Variants in WWP2 observed in about 807,000 individuals in gnomAD.
WWP2 encodes WW domain containing E3 ubiquitin protein ligase 2.
WWP2 carries 57 observed loss-of-function variants against 121.0 expected under a neutral mutation model. That is an observed-to-expected ratio of 0.47 (90% CI 0.38 to 0.59). WWP2 has a LOEUF of 0.59. Among genes scored for constraint, WWP2 ranks in the 20% least tolerant of loss-of-function variants. The pLI is 0.00. For missense variants in WWP2, 962 were observed against 1,158.9 expected (o/e 0.83, Z 2.47); for synonymous variants, 449 against 441.3 (o/e 1.02, Z -0.22).
intron 4 of WWP2, among the ~76,000 whole-genome samples, chr16:69,828,264 G>A (rs1378200220): frequency 6.6e-6 from 1 of 152,068 alleles, no homozygotes; most frequent in African/African-American, 2.4e-5. Flanking sequence ...CATGCTTAGA[G>A]GCTCCCCTTT....
At chr16:69,794,693 A>C (rs536025848) in intron 2 of WWP2, among the ~76,000 whole-genome samples, 1 of 152,350 alleles carries the variant, frequency 6.6e-6, no homozygotes, top group Admixed American at 6.5e-5. Flanking sequence ...AAAAATGTAG[A>C]ATTTGCTGCA....
chr16:69,866,255 A>T (rs1339361747), intron 6 of WWP2, among the ~76,000 whole-genome samples: 2 of 151,412 alleles, frequency 1.3e-5, no homozygotes, highest in East Asian at 3.9e-4. Context: ...ATGCTTTTTA[A>T]AAAAAGGTTT....
chr16:69,931,350 A>T, intron 14 of WWP2, 123 bp downstream of exon 14: 1 of 1,469,754 alleles, frequency 6.8e-7, no homozygotes, highest in Non-Finnish European at 9.4e-7. Flanking sequence ...ACACTTGTCT[A>T]ACCCGGAGCT....
In WWP2 at chr16:69,813,761, G is replaced by A. The variant is rs778104261; in HGVS notation, c.340+14466G>A. 5.9e-5 allele frequency among the ~76,000 whole-genome samples: 9 copies of A among 152,190 alleles called. No homozygotes were observed. The East Asian group carries it at 1.7e-3, about 29-fold the overall frequency. ...TGTGGGATTACAGCTGTGAGCCACT[G>A]TGCCTGGCCTCTGGTGTTGATTTCA... On this transcript the variant is annotated intron_variant, in intron 4 of 23. Transcript: ENST00000359154.
chr16:69,882,241 C>T (rs1438642571), intron 7 of WWP2, among the ~76,000 whole-genome samples: 9 of 152,216 alleles, frequency 5.9e-5, no homozygotes, highest in African/African-American at 2.2e-4. Flanking sequence ...TAGGTGTGAA[C>T]CACTGCGCCC....
intron 8 of WWP2, among the ~76,000 whole-genome samples, chr16:69,902,660 A>T (rs2058223202): frequency 1.3e-5 from 2 of 152,184 alleles, no homozygotes; most frequent in Non-Finnish European, 2.9e-5. Flanking sequence ...TTTTAATCTC[A>T]GTGTGAAGGA....
At chr16:69,885,983 G>A (rs1051085098) in intron 7 of WWP2, among the ~76,000 whole-genome samples, 3 of 152,158 alleles carry the variant, frequency 2.0e-5, no homozygotes, top group Non-Finnish European at 4.4e-5. Context: ...TCTCGAAGAG[G>A]GCAGCCAGAT....
chr16:69,923,735 G>A (rs2058598124), intron 10 of WWP2, among the ~76,000 whole-genome samples: 1 of 152,172 alleles, frequency 6.6e-6, no homozygotes, highest in African/African-American at 2.4e-5. Flanking sequence ...CTTTTGCAAG[G>A]TCACTGCTGT....
Position 69,924,887 on chromosome 16 carries a change from G to A in WWP2, c.1180-543G>A, listed in dbSNP as rs1450913459. On this transcript the variant is annotated intron_variant, in intron 10 of 23. Transcript: ENST00000359154. The stretch of plus-strand genomic sequence containing the variant: ...CACACCCAGATGGGAGGTTGGGGGG[G>A]ACGCCGAGGTGGAGGGAGGAGGGCC... 1.2e-5 allele frequency: 12 copies of A among 981,604 alleles called. No homozygotes were observed. In the Admixed American group the frequency reaches 6.7e-4, roughly 55 times the overall value. 60.8% of individuals were successfully genotyped at this position (981,604 alleles called of 1,614,324 possible).
chr16:69,769,088 G>A (rs978527433), intron 1 of WWP2, among the ~76,000 whole-genome samples: 5 of 152,176 alleles, frequency 3.3e-5, no homozygotes, highest in Admixed American at 6.5e-5. Flanking sequence ...GGAGGCCAAG[G>A]CGGGTGGATC....
At chr16:69,776,163 A>G (rs1023431209) in intron 1 of WWP2, 3 of 152,174 alleles carry the variant, frequency 2.0e-5, no homozygotes, top group African/African-American at 7.2e-5. Context: ...ACTGTCACTC[A>G]TATTTAACTG....
At chr16:69,933,342 T>C (rs951823049) in intron 16 of WWP2, among the ~76,000 whole-genome samples, 2 of 152,000 alleles carry the variant, frequency 1.3e-5, no homozygotes, top group African/African-American at 4.8e-5. Flanking sequence ...TTCAGATGAA[T>C]GCGTGGAAGT....
intron 8 of WWP2, among the ~76,000 whole-genome samples, chr16:69,894,019 G>T (rs993055014): frequency 6.6e-6 from 1 of 151,970 alleles, no homozygotes; most frequent in African/African-American, 2.4e-5. Context: ...CCCTCACTGA[G>T]TGACAGGAGC....
rs746476156 is a variant in WWP2, at chr16:69,888,196, G to C, written c.861G>C (p.Ser287=). The change falls in exon 8 of 24, where the codon TCG becomes TCC. Residue 287 remains serine, a synonymous_variant. Coordinates refer to ENST00000359154, the MANE Select transcript of WWP2 (RefSeq NM_001270454.2). The part of the protein sequence containing the change: ...TPAEGEEPST[S]GTQQLPAAAQ... Reference sequence around the variant, plus strand: ...CTGAAGGAGAGGAACCCAGCACTTCGGGTACACAGCAGCTCCCAGCGGCTG... The same window carrying C: ...CTGAAGGAGAGGAACCCAGCACTTCCGGTACACAGCAGCTCCCAGCGGCTG... 3.7e-6 allele frequency: 6 copies of C among 1,614,130 alleles called. No homozygotes were observed. The highest frequency in any genetic ancestry group is 5.1e-6 in the Non-Finnish European group (6 of 1,180,022).
intron 4 of WWP2, chr16:69,838,903 A>C (rs1473210129): frequency 1.0e-6 from 1 of 982,370 alleles, no homozygotes; most frequent in Non-Finnish European, 1.2e-6. Context: ...ACTGGTTTCT[A>C]TCTTATTATA....
At chr16:69,900,617 G>A (rs2058189244) in intron 8 of WWP2, among the ~76,000 whole-genome samples, 1 of 152,008 alleles carries the variant, frequency 6.6e-6, no homozygotes. Context: ...CCGCCTCCTG[G>A]ACTCAAGCGA....
rs1163095867 is a variant in WWP2, at chr16:69,791,632, CCTCAGCCTCCTGA to C, written c.70+4553_70+4565del. Among the ~76,000 whole-genome samples, 3 of 152,228 alleles carry C rather than the reference CCTCAGCCTCCTGA, an allele frequency of 2.0e-5. No homozygotes were observed. In the East Asian group the frequency reaches 5.8e-4, roughly 29 times the overall value. ...AAAATAGGCTCAAGCAATCCTCCTG[CCTCAGCCTCCTGA>C]GTAGCTAGGACTTTAGGCATACACT... On this transcript the variant is annotated intron_variant, in intron 2 of 23. Coordinates refer to ENST00000359154, the MANE Select transcript of WWP2 (RefSeq NM_001270454.2).
chr16:69,888,290 A>G (rs2057963131), intron 8 of WWP2, 41 bp downstream of exon 8: 2 of 1,586,428 alleles, frequency 1.3e-6, no homozygotes, highest in Non-Finnish European at 1.7e-6. Flanking sequence ...CTCCTCCTCA[A>G]AGACTGAGGC....
intron 1 of WWP2, among the ~76,000 whole-genome samples, chr16:69,784,007 TGTG>T (rs2055723957): frequency 6.6e-6 from 1 of 151,870 alleles, no homozygotes; most frequent in Admixed American, 6.6e-5. Flanking sequence ...AGTTCTCAAG[TGTG>T]GTCCTCAGAC....
Sources: allele counts gnomAD v4.1 joint callset (sites outside exome capture counted in the v4.1 genomes callset), GRCh38; gene constraint gnomAD v4.1.1; transcripts MANE v1.5; gene names NCBI Gene and HGNC (gene_info 2026-07-23, HGNC 2026-07-21).